ARSK: variants seen among roughly 807,000 people sequenced by gnomAD.
The protein encoded by ARSK is arylsulfatase family member K, also known as arylsulfatase K.
In ARSK, 37 loss-of-function variants were observed where a neutral mutation model predicts 53.2. That is an observed-to-expected ratio of 0.70 (90% CI 0.54 to 0.92). ARSK has a LOEUF of 0.92. ARSK is among the 40% of genes least tolerant of loss of function. ARSK has a pLI of 0.00. For synonymous variants in ARSK, 208 were observed against 223.2 expected (o/e 0.93, Z 0.61); for missense variants, 613 against 643.0 (o/e 0.95, Z 0.51).
In ARSK at chr5:95,591,413, T is replaced by C; in HGVS notation, c.884T>C (p.Leu295Ser). Residue 295 changes from leucine to serine, a missense_variant, in exon 6 of 8, where the codon TTG becomes TCG. Leu to Ser is a moderately radical substitution (Grantham distance 145). Coordinates refer to ENST00000380009, the MANE Select transcript of ARSK (RefSeq NM_198150.3). The stretch of plus-strand genomic sequence containing the variant: ...ATTTCTATTGTAGGTGAAATTATTT[T>C]GGCCCTTCATCAATTAGATCTTCTT... ...ETDAMLGEII[L>S]ALHQLDLLQK... 2 of 1,610,278 alleles carry C rather than the reference T, an allele frequency of 1.2e-6. No individual in the cohort carries two copies. The highest frequency in any genetic ancestry group is 1.7e-6 in the Non-Finnish European group (2 of 1,176,476).
chr5:95,586,214 T>G (rs903121079), intron 4 of ARSK, among the ~76,000 whole-genome samples: 1 of 152,178 alleles, frequency 6.6e-6, no homozygotes, highest in Non-Finnish European at 1.5e-5. Flanking sequence ...GGTTGTTGAT[T>G]CTGAAGTTTT....
intron 1 of ARSK, among the ~76,000 whole-genome samples, chr5:95,558,101 G>T (rs78548989): frequency 6.6e-6 from 1 of 152,326 alleles, no homozygotes; most frequent in Non-Finnish European, 1.5e-5. Flanking sequence ...GGGACAGGCT[G>T]TGAGATTTCT....
chr5:95,569,367 C>T (rs1033772501), intron 3 of ARSK, among the ~76,000 whole-genome samples: 2 of 151,978 alleles, frequency 1.3e-5, no homozygotes, highest in Non-Finnish European at 2.9e-5. Flanking sequence ...CCCCAAATTT[C>T]GTGACCACCT....
At chr5:95,593,137 T>C (rs530133146) in intron 6 of ARSK, among the ~76,000 whole-genome samples, 1 of 152,312 alleles carries the variant, frequency 6.6e-6, no homozygotes, top group South Asian at 2.1e-4. Flanking sequence ...TCCTTAATTT[T>C]TCTTCATGTA....
At chr5:95,599,947 C>G (rs979505588) in intron 6 of ARSK, among the ~76,000 whole-genome samples, 3 of 152,066 alleles carry the variant, frequency 2.0e-5, no homozygotes, top group African/African-American at 7.2e-5. Flanking sequence ...AACATTGAAA[C>G]CAGAAAAGGG....
intron 6 of ARSK, among the ~76,000 whole-genome samples, chr5:95,593,353 C>G (rs1175356201): frequency 1.3e-5 from 2 of 152,184 alleles, no homozygotes; most frequent in East Asian, 1.9e-4. Context: ...ATCTATTTGA[C>G]TCTAGCAGCT....
At chr5:95,572,550 G>C (rs1257158227) in intron 3 of ARSK, among the ~76,000 whole-genome samples, 2 of 152,084 alleles carry the variant, frequency 1.3e-5, no homozygotes, top group Non-Finnish European at 2.9e-5. Context: ...AGGCCGAGGC[G>C]GGCAGATCAC....
chr5:95,563,753 A>AGC (rs1210383167), intron 1 of ARSK, among the ~76,000 whole-genome samples: 2 of 152,206 alleles, frequency 1.3e-5, no homozygotes, highest in Non-Finnish European at 2.9e-5. Context: ...TGAATTATAT[A>AGC]GCACCTTTAA....
In ARSK at chr5:95,580,903, G is replaced by A. The variant is rs754959831; in HGVS notation, c.417-2013G>A. 59 of 1,287,834 alleles carry A rather than the reference G, an allele frequency of 4.6e-5. No individual in the cohort carries two copies. In the Middle Eastern group the frequency reaches 7.1e-4, roughly 15 times the overall value. The allele number at this position is 1,287,834 out of a possible 1,614,324, so 79.8% of individuals were successfully genotyped here. On this transcript the variant is annotated intron_variant, in intron 3 of 7. Coordinates refer to ENST00000380009, the MANE Select transcript of ARSK (RefSeq NM_198150.3). The stretch of plus-strand genomic sequence containing the variant: ...ATTTTACACTTTAGGCACAGTGAAC[G>A]TGGGTCAACTAATCAAAGAAGTGAA...
chr5:95,587,471 T>C (rs1257322092), intron 5 of ARSK, among the ~76,000 whole-genome samples: 2 of 152,308 alleles, frequency 1.3e-5, no homozygotes, highest in Non-Finnish European at 2.9e-5. Context: ...TAGCACCTCT[T>C]CTGTACAGAG....
intron 5 of ARSK, among the ~76,000 whole-genome samples, chr5:95,590,259 A>T (rs1200419098): frequency 6.6e-6 from 1 of 152,194 alleles, no homozygotes; most frequent in Admixed American, 6.5e-5. Flanking sequence ...GGCAGAGTAT[A>T]TGCAGAGGCA....
chr5:95,575,588 C>T (rs1748911691), intron 3 of ARSK, among the ~76,000 whole-genome samples: 2 of 152,230 alleles, frequency 1.3e-5, no homozygotes, highest in South Asian at 4.1e-4. Flanking sequence ...AGATCTTTTA[C>T]TTCTTTAATT....
chr5:95,590,679 G>A (rs1365976231), intron 5 of ARSK, among the ~76,000 whole-genome samples: 1 of 152,142 alleles, frequency 6.6e-6, no homozygotes, highest in Admixed American at 6.5e-5. Context: ...CCCAGATTCA[G>A]GAACTGCCAA....
intron 3 of ARSK, among the ~76,000 whole-genome samples, chr5:95,576,506 C>T (rs754470793): frequency 2.6e-5 from 4 of 151,556 alleles, no homozygotes; most frequent in African/African-American, 9.7e-5. Context: ...CAAGTCTATA[C>T]TTTTCATGTC....
Position 95,580,117 on chromosome 5 carries a change from G to A in ARSK, c.417-2799G>A, listed in dbSNP as rs563693946. ...GCAGGGTAAATTTATATTGAGAACAGCCATTGAATCATAAAATATCTGAGC... is the reference window on the plus strand; with the variant it reads ...GCAGGGTAAATTTATATTGAGAACAACCATTGAATCATAAAATATCTGAGC... On this transcript the variant is annotated intron_variant, in intron 3 of 7. Coordinates refer to ENST00000380009, the MANE Select transcript of ARSK (RefSeq NM_198150.3). Among the ~76,000 whole-genome samples the A allele has an allele frequency of 2.6e-5, 4 of 152,106 alleles. No homozygotes were observed. The South Asian group carries it at 6.2e-4, about 24-fold the overall frequency.
intron 3 of ARSK, among the ~76,000 whole-genome samples, chr5:95,573,803 T>C (rs1748875656): frequency 6.6e-6 from 1 of 152,210 alleles, no homozygotes; most frequent in East Asian, 1.9e-4. Context: ...AGGCATATAA[T>C]GCGTGATGAA....
chr5:95,580,951 A>T, intron 3 of ARSK: 1 of 1,280,960 alleles, frequency 7.8e-7, no homozygotes. Context: ...AGGTAAAAAT[A>T]CCTTTTGCCT....
chr5:95,598,617 G>A (rs1749349795), intron 6 of ARSK, among the ~76,000 whole-genome samples: 1 of 152,086 alleles, frequency 6.6e-6, no homozygotes, highest in Non-Finnish European at 1.5e-5. Flanking sequence ...CCATTCCGTT[G>A]TTAGTGTCAG....
At chr5:95,577,391 G>A (rs1038749616) in intron 3 of ARSK, among the ~76,000 whole-genome samples, 1 of 152,080 alleles carries the variant, frequency 6.6e-6, no homozygotes, top group African/African-American at 2.4e-5. Context: ...CCATAAAGTA[G>A]TCTTTGGCAT....
Sources: gnomAD v4.1 joint callset for allele counts (sites outside exome capture counted in the v4.1 genomes callset) on GRCh38, gnomAD v4.1.1 for gene constraint, MANE v1.5 for transcripts, NCBI Gene and HGNC (gene_info 2026-07-23, HGNC 2026-07-21) for gene names.